MTG1: variants seen among roughly 807,000 people sequenced by gnomAD.
MTG1 encodes mitochondrial ribosome-associated GTPase 1.
A neutral mutation model predicts 39.5 loss-of-function variants in MTG1; 30 were observed. That is an observed-to-expected ratio of 0.76 (90% CI 0.57 to 1.03). MTG1 has a LOEUF of 1.03. MTG1 is among the 50% of genes least tolerant of loss of function. The probability of loss-of-function intolerance (pLI) is 0.00; values close to 1 mark genes in which losing one functional copy is unlikely to be tolerated. For missense variants in MTG1, 513 were observed against 447.4 expected (o/e 1.15, Z -1.32); for synonymous variants, 217 against 179.0 (o/e 1.21, Z -1.69).
chr10:133,405,566 C>T (rs2133501954), intron 9 of MTG1, among the ~76,000 whole-genome samples: 1 of 152,210 alleles, frequency 6.6e-6, no homozygotes, highest in East Asian at 1.9e-4. Flanking sequence ...TTTTTAGCTC[C>T]CACATTTGAG....
In MTG1 at chr10:133,398,442, T is replaced by C. The variant is rs774118449; in HGVS notation, c.290T>C (p.Met97Thr). 5 of 1,611,730 alleles carry C rather than the reference T, an allele frequency of 3.1e-6. No individual in the cohort carries two copies. The highest frequency in any genetic ancestry group is 2.7e-5 in the African/African-American group (2 of 74,866). Reference sequence around the variant, plus strand: ...ATGTTTTGTGTCTTTCAGAAAATTATGCAACACTTAGAAGGAGAAGGCCTA... The same window carrying C: ...ATGTTTTGTGTCTTTCAGAAAATTACGCAACACTTAGAAGGAGAAGGCCTA... ...LADLTEQQKI[M>T]QHLEGEGLKN... The change falls in exon 4 of 11, where the codon ATG becomes ACG. Residue 97 changes from methionine to threonine, a missense_variant. Coordinates refer to ENST00000317502, the MANE Select transcript of MTG1 (RefSeq NM_138384.4).
rs1849894059 is a variant in MTG1 at position 133,402,326 on chromosome 10, G to T, written c.670+81G>T. ...CCTTTAGGGCTGGCTTTGGCACAGG[G>T]CCCCTAGACGGGAGTTGTTACTGCC... is the stretch of plus-strand genomic sequence containing the variant. On this transcript the variant is annotated intron_variant, in intron 8 of 10. Transcript: ENST00000317502. The surrounding 1 kb of genome is among the most constrained non-coding windows in gnomAD (Gnocchi z 4.7). The T allele has an allele frequency of 7.2e-6, 11 of 1,532,712 alleles. No individual in the cohort carries two copies. In the South Asian group the frequency reaches 1.0e-4, roughly 14 times the overall value. The allele number at this position is 1,532,712 out of a possible 1,614,324, so 94.9% of individuals were successfully genotyped here.
chr10:133,401,548 T>TGGC lies in MTG1; in HGVS notation c.533_535dup (p.Gly178dup). ...CTACAGGGAAAGCCACCAGGGTGGG[T>TGGC]GGCGAGCCTGGGATCACCAGAGCTG... On this transcript the variant is annotated inframe_insertion, in exon 7 of 11. Transcript: ENST00000317502. 6.3e-7 allele frequency: 1 copy of TGGC among 1,589,592 alleles called. No individual in the cohort carries two copies. The highest frequency in any genetic ancestry group is 8.6e-7 in the Non-Finnish European group (1 of 1,165,812).
chr10:133,415,068 A>C (rs1246407437), intron 9 of MTG1, among the ~76,000 whole-genome samples: 2 of 152,222 alleles, frequency 1.3e-5, no homozygotes, highest in Non-Finnish European at 2.9e-5. Context: ...CGGCAGGCTG[A>C]GGCAGGAGAA....
intron 9 of MTG1, among the ~76,000 whole-genome samples, chr10:133,408,744 A>G (rs1263316225): frequency 1.3e-5 from 2 of 152,142 alleles, no homozygotes; most frequent in Non-Finnish European, 2.9e-5. Context: ...GATCTGTTCA[A>G]GTTTTTCCAT....
chr10:133,399,397 A>G, intron 5 of MTG1, 132 bp from the exon 6 acceptor site: 1 of 1,186,296 alleles, frequency 8.4e-7, no homozygotes, highest in Non-Finnish European at 1.2e-6. Flanking sequence ...CTGGGTGGGC[A>G]GAGCCTCGGC....
In MTG1 at chr10:133,401,515, T is replaced by C; in HGVS notation, c.512-14T>C. 1 of 1,551,902 alleles carries C rather than the reference T, an allele frequency of 6.4e-7. No homozygotes were observed. The highest frequency in any genetic ancestry group is 8.7e-7 in the Non-Finnish European group (1 of 1,150,266). On this transcript the variant is annotated splice_polypyrimidine_tract_variant and intron_variant, in intron 6 of 10. Transcript: ENST00000317502. ...TAGTATACATTTGAGCCTCCTTTTC[T>C]CCTTTTCCTACAGGGAAAGCCACCA... is the stretch of plus-strand genomic sequence containing the variant.
Position 133,420,234 on chromosome 10 carries a change from C to T in MTG1, c.*69C>T, listed in dbSNP as rs935906078. The T allele has an allele frequency of 1.8e-5, 27 of 1,503,642 alleles. No individual in the cohort carries two copies. In the Admixed American group the frequency reaches 2.8e-4, roughly 16 times the overall value. The allele number at this position is 1,503,642 out of a possible 1,614,324, so 93.1% of individuals were successfully genotyped here. ...CCTCCTGACCTGGGTGGTTGAGGCT[C>T]AAGACAGCTCACCCGGTCCAGAAGC... On this transcript the variant is annotated 3_prime_UTR_variant, in exon 11 of 11. Transcript: ENST00000317502.
chr10:133,399,627 C>T lies in MTG1; in HGVS notation c.511+8C>T, dbSNP rs777703665. The T allele has an allele frequency of 2.2e-5, 36 of 1,613,116 alleles. No individual in the cohort carries two copies. The highest frequency in any genetic ancestry group is 6.7e-5 in the East Asian group (3 of 44,880). On this transcript the variant is annotated splice_region_variant and intron_variant, in intron 6 of 10. Transcript: ENST00000317502. ...GGCAGCACCTCAGGAAAGGTACTGG[C>T]GCGTGCGGCTGATCACCTCAGGAAA...
chr10:133,417,831 C>T lies in MTG1; in HGVS notation c.753-1649C>T, dbSNP rs573533157. ...CCAACTTACAAGGGACGTGAAGGAC[C>T]TCTTCAAGGAGAACTACAAACCACT... On this transcript the variant is annotated intron_variant, in intron 9 of 10. Coordinates refer to ENST00000317502, the MANE Select transcript of MTG1 (RefSeq NM_138384.4). 8.5e-5 allele frequency among the ~76,000 whole-genome samples: 13 copies of T among 152,274 alleles called. No individual in the cohort carries two copies. The South Asian group carries it at 1.0e-3, about 12-fold the overall frequency.
chr10:133,411,809 A>G lies in MTG1; in HGVS notation c.753-7671A>G, dbSNP rs559130167. 1.8e-4 allele frequency among the ~76,000 whole-genome samples: 27 copies of G among 150,278 alleles called. No individual in the cohort carries two copies. In the South Asian group the frequency reaches 5.7e-3, roughly 32 times the overall value. The stretch of plus-strand genomic sequence containing the variant: ...GTTTGATTTTTTTTTTTTAATTTCA[A>G]TCTCTGTTAAATTTGTCTGACAAAT... On this transcript the variant is annotated intron_variant, in intron 9 of 10. Coordinates refer to ENST00000317502, the MANE Select transcript of MTG1 (RefSeq NM_138384.4).
chr10:133,402,758 A>G lies in MTG1; in HGVS notation c.737A>G (p.Lys246Arg). ...GACTACCTGCTGTACACCCTCAACAAACACCAGCGCTTTGGGTGAGTGCAG... is the reference window on the plus strand; with the variant it reads ...GACTACCTGCTGTACACCCTCAACAGACACCAGCGCTTTGGGTGAGTGCAG... ...MADYLLYTLN[K>R]HQRFGYVQHY... The change falls in exon 9 of 11, where the codon AAA becomes AGA. Residue 246 changes from lysine to arginine, a missense_variant. Physicochemically the swap from Lys to Arg is conservative, Grantham distance 26. Transcript: ENST00000317502. This position sits in a 1 kb window ranked among gnomAD's most constrained non-coding sequence, Gnocchi z 4.7. 1.2e-6 allele frequency: 2 copies of G among 1,606,234 alleles called. No individual in the cohort carries two copies. The highest frequency in any genetic ancestry group is 1.7e-6 in the Non-Finnish European group (2 of 1,176,630).
At chr10:133,414,829 G>A (rs1850097917) in intron 9 of MTG1, among the ~76,000 whole-genome samples, 1 of 152,076 alleles carries the variant, frequency 6.6e-6, no homozygotes, top group African/African-American at 2.4e-5. Context: ...GGGAGGTGGA[G>A]GTTGTAGCGA....
At position 133,419,448 on chromosome 10, in the gene MTG1, C is replaced by T. The variant is rs751362918; in HGVS notation, c.753-32C>T. 4.5e-6 allele frequency: 7 copies of T among 1,546,396 alleles called. No individual in the cohort carries two copies. The South Asian group carries it at 5.9e-5, about 13-fold the overall frequency. On this transcript the variant is annotated intron_variant, in intron 9 of 10. Coordinates refer to ENST00000317502, the MANE Select transcript of MTG1 (RefSeq NM_138384.4). Reference sequence around the variant, plus strand: ...CTGGCCGCGCGGTGTCAGTGCTGGGCCCCCTGGTGCTGACCTGCAGCCTAT... The same window carrying T: ...CTGGCCGCGCGGTGTCAGTGCTGGGTCCCCTGGTGCTGACCTGCAGCCTAT...
intron 6 of MTG1, among the ~76,000 whole-genome samples, chr10:133,400,919 A>G (rs1408477102): frequency 6.6e-6 from 1 of 152,216 alleles, no homozygotes; most frequent in African/African-American, 2.4e-5. Context: ...GAGTGTCAGA[A>G]TTTTATTCCT....
intron 1 of MTG1, chr10:133,394,848 A>G (rs1174495194): frequency 9.1e-6 from 6 of 658,290 alleles, no homozygotes; most frequent in Non-Finnish European, 1.1e-5. Context: ...GGGCCAGCCC[A>G]GCCCGTCTAG....
intron 9 of MTG1, among the ~76,000 whole-genome samples, chr10:133,417,117 C>T (rs1850144174): frequency 6.6e-6 from 1 of 152,066 alleles, no homozygotes; most frequent in Admixed American, 6.5e-5. Flanking sequence ...GAGATGGTAT[C>T]TCATTGTGGT....
Position 133,421,135 on chromosome 10 carries a change from G to C in MTG1, c.*970G>C, listed in dbSNP as rs1403914119. The stretch of plus-strand genomic sequence containing the variant: ...CACAGCAGCCTCCACCAGGGCCCTG[G>C]TGCTCAGTGGCCCCTCTTTGCTGGC... On this transcript the variant is annotated 3_prime_UTR_variant, in exon 11 of 11. Coordinates refer to ENST00000317502, the MANE Select transcript of MTG1 (RefSeq NM_138384.4). 6.6e-6 allele frequency: 1 copy of C among 152,472 alleles called. No individual in the cohort carries two copies. Among genetic ancestry groups the C allele is most frequent in the Non-Finnish European group, 1.5e-5 (1 of 68,272 alleles). The allele number at this position is 152,472 out of a possible 1,614,324, so 9.4% of individuals were successfully genotyped here. A position where few individuals can be genotyped will look rare whatever the true frequency, so the allele number is the denominator to read the frequency against.
At chr10:133,408,084 G>T (rs55852132) in intron 9 of MTG1, among the ~76,000 whole-genome samples, 15,925 of 152,154 alleles carry the variant, frequency 0.1, 1,036 homozygotes, top group African/African-American at 0.18. Flanking sequence ...AATTGTTCTG[G>T]GTAGGACTTC....
Sources: allele counts gnomAD v4.1 joint callset (sites outside exome capture counted in the v4.1 genomes callset), GRCh38; gene constraint gnomAD v4.1.1; non-coding constraint Gnocchi (gnomAD v3.1); transcripts MANE v1.5; gene names NCBI Gene and HGNC (gene_info 2026-07-23, HGNC 2026-07-21).